Variants in SYNPR observed in about 807,000 individuals in gnomAD.
The protein encoded by SYNPR is synaptoporin.
In SYNPR, 23 loss-of-function variants were observed where a neutral mutation model predicts 32.9. The ratio of observed to expected loss-of-function variants is 0.70; its 90% CI spans 0.50 to 0.99. SYNPR has a LOEUF of 0.99. Ranked by LOEUF, SYNPR falls within the 50% of genes least tolerant of loss-of-function variation. The probability of loss-of-function intolerance (pLI) is 0.00; values close to 1 mark genes in which losing one functional copy is unlikely to be tolerated. For missense variants in SYNPR, 318 were observed against 349.3 expected (o/e 0.91, Z 0.71); for synonymous variants, 146 against 135.9 (o/e 1.07, Z -0.52).
chr3:63,253,850 G>A (rs1318165558), intron 2 of SYNPR, among the ~76,000 whole-genome samples: 2 of 152,084 alleles, frequency 1.3e-5, no homozygotes, highest in Admixed American at 1.3e-4. Flanking sequence ...ACATGCTACT[G>A]TAAAGACACA....
intron 2 of SYNPR, among the ~76,000 whole-genome samples, chr3:63,392,383 C>A (rs1157509530): frequency 6.6e-6 from 1 of 152,150 alleles, no homozygotes; most frequent in Non-Finnish European, 1.5e-5. Flanking sequence ...AAGGAATGAC[C>A]ATACACGCAA....
chr3:63,357,364 T>C (rs972842635), intron 2 of SYNPR, among the ~76,000 whole-genome samples: 1 of 152,082 alleles, frequency 6.6e-6, no homozygotes, highest in Non-Finnish European at 1.5e-5. Flanking sequence ...GAATAATCAA[T>C]GTCCTGACAT....
intron 1 of SYNPR, among the ~76,000 whole-genome samples, chr3:63,243,032 A>G (rs1177599818): frequency 6.6e-6 from 1 of 152,106 alleles, no homozygotes; most frequent in Admixed American, 6.6e-5. Context: ...GACCTAGAAT[A>G]TGGAAGAGAA....
chr3:63,385,580 C>G (rs1195906703), intron 2 of SYNPR, among the ~76,000 whole-genome samples: 1 of 152,194 alleles, frequency 6.6e-6, no homozygotes, highest in Non-Finnish European at 1.5e-5. Context: ...TTTTGCAACT[C>G]TTCCCTTTGG....
At chr3:63,582,714 C>G (rs1703112571) in intron 4 of SYNPR, among the ~76,000 whole-genome samples, 1 of 152,038 alleles carries the variant, frequency 6.6e-6, no homozygotes. Flanking sequence ...AAGGCATAAT[C>G]TCAGCAAATC....
At chr3:63,500,867 T>C (rs539990012) in intron 3 of SYNPR, among the ~76,000 whole-genome samples, 2 of 152,302 alleles carry the variant, frequency 1.3e-5, no homozygotes, top group African/African-American at 4.8e-5. Context: ...CTATACATTA[T>C]AGTACATAGT....
intron 3 of SYNPR, among the ~76,000 whole-genome samples, chr3:63,534,257 G>A (rs1395936576): frequency 6.6e-6 from 1 of 152,168 alleles, no homozygotes; most frequent in Non-Finnish European, 1.5e-5. Context: ...TGAAACTGGA[G>A]TTGATGAGAA....
At chr3:63,558,945 T>C (rs936976468) in intron 4 of SYNPR, among the ~76,000 whole-genome samples, 1 of 152,090 alleles carries the variant, frequency 6.6e-6, no homozygotes, top group Non-Finnish European at 1.5e-5. Context: ...GTAAAATTTC[T>C]ACCTGTTAAA....
At chr3:63,220,640 A>G in the SYNPR span, among the ~76,000 whole-genome samples, 1 of 152,162 alleles carries the variant, frequency 6.6e-6, no homozygotes, top group Admixed American at 6.5e-5. Context: ...TCACTCCAGC[A>G]GATGCACTTC....
At chr3:63,467,500 C>A (rs1383816349) in intron 2 of SYNPR, among the ~76,000 whole-genome samples, 1 of 152,178 alleles carries the variant, frequency 6.6e-6, no homozygotes, top group Non-Finnish European at 1.5e-5. Context: ...CTTAATCCCT[C>A]TAAGCCATGG....
chr3:63,391,524 C>T (rs2088136548), intron 2 of SYNPR, among the ~76,000 whole-genome samples: 1 of 152,162 alleles, frequency 6.6e-6, no homozygotes, highest in Admixed American at 6.5e-5. Flanking sequence ...CCAATCATTG[C>T]TAACACCTAT....
chr3:63,206,252 T>C, the SYNPR span, among the ~76,000 whole-genome samples: 1 of 152,126 alleles, frequency 6.6e-6, no homozygotes, highest in South Asian at 2.1e-4. Context: ...ATTACCAGTT[T>C]AGGGGGGGAA....
At chr3:63,406,871 T>TA (rs1190763272) in intron 2 of SYNPR, among the ~76,000 whole-genome samples, 5 of 152,128 alleles carry the variant, frequency 3.3e-5, no homozygotes, top group Non-Finnish European at 7.4e-5. Flanking sequence ...AGTTCCAGTC[T>TA]AAAAATTTTT....
At chr3:63,259,703 A>G (rs1575578726) in intron 2 of SYNPR, among the ~76,000 whole-genome samples, 1 of 152,314 alleles carries the variant, frequency 6.6e-6, no homozygotes, top group East Asian at 1.9e-4. Context: ...TATTCAACAT[A>G]GTGTTGGAAG....
chr3:63,585,832 A>G (rs550253531), intron 4 of SYNPR, among the ~76,000 whole-genome samples: 1 of 152,242 alleles, frequency 6.6e-6, no homozygotes, highest in East Asian at 1.9e-4. Context: ...GAGGAAATAA[A>G]AGCCTATGAA....
chr3:63,252,330 T>C (rs1008040025), intron 1 of SYNPR, among the ~76,000 whole-genome samples: 3 of 152,166 alleles, frequency 2.0e-5, no homozygotes, highest in Non-Finnish European at 4.4e-5. Flanking sequence ...AAAATATCCT[T>C]CTTGTCTTTA....
At chr3:63,518,471 A>G (rs1238985981) in intron 3 of SYNPR, among the ~76,000 whole-genome samples, 1 of 152,170 alleles carries the variant, frequency 6.6e-6, no homozygotes, top group Non-Finnish European at 1.5e-5. Flanking sequence ...TAGGCTGCCC[A>G]TTCAATGATG....
intron 2 of SYNPR, among the ~76,000 whole-genome samples, chr3:63,343,660 A>G (rs912280580): frequency 2.6e-5 from 4 of 152,146 alleles, no homozygotes; most frequent in Non-Finnish European, 4.4e-5. Flanking sequence ...TCTCTGCTCT[A>G]TTGTGGCTTT....
Position 63,255,773 on chromosome 3 carries a change from C to T in SYNPR, n.154+3187C>T, listed in dbSNP as rs923758284. 2.6e-5 allele frequency among the ~76,000 whole-genome samples: 4 copies of T among 151,950 alleles called. No homozygotes were observed. The East Asian group carries it at 5.8e-4, about 22-fold the overall frequency. On this transcript the variant is annotated intron_variant and non_coding_transcript_variant, in intron 2 of 4. Transcript: ENST00000478456. ...GTGAAGGACAGTGGGTGCAGTGCAC[C>T]GAGTGTGAGCAGGAAGTGCAAGGGG...
Sources: allele counts gnomAD v4.1 joint callset (sites outside exome capture counted in the v4.1 genomes callset), GRCh38; gene constraint gnomAD v4.1.1; transcripts MANE v1.5; gene names NCBI Gene and HGNC (gene_info 2026-07-23, HGNC 2026-07-21).